The following CNTLN variants were observed in gnomAD, a reference collection of about 807,000 sequenced individuals.
CNTLN encodes the protein centlein, centrosomal protein.
CNTLN carries 212 observed loss-of-function variants against 180.0 expected under a neutral mutation model. That is an observed-to-expected ratio of 1.18 (90% CI 1.05 to 1.32). CNTLN has a LOEUF of 1.32. CNTLN is among the 40% of genes most tolerant of loss of function. CNTLN has a pLI of 0.00. For missense variants in CNTLN, 2,095 were observed against 1,610.9 expected (o/e 1.30, Z -5.14); for synonymous variants, 722 against 563.1 (o/e 1.28, Z -3.99).
At chr9:17,295,466 G>A (rs931555927) in intron 6 of CNTLN, among the ~76,000 whole-genome samples, 1 of 152,108 alleles carries the variant, frequency 6.6e-6, no homozygotes, top group Non-Finnish European at 1.5e-5. Flanking sequence ...TCCCAGGTGG[G>A]CCGTCGCACC....
At chr9:17,272,575 T>C (rs1219581220) in intron 5 of CNTLN, among the ~76,000 whole-genome samples, 1 of 152,186 alleles carries the variant, frequency 6.6e-6, no homozygotes, top group African/African-American at 2.4e-5. Flanking sequence ...GCCTGAGGCA[T>C]CTTGTCCCTC....
At chr9:17,402,724 G>T (rs1349865506) in intron 15 of CNTLN, among the ~76,000 whole-genome samples, 1 of 151,766 alleles carries the variant, frequency 6.6e-6, no homozygotes. Context: ...CAGCTCTCCT[G>T]GGTCTCTAGC....
intron 2 of CNTLN, among the ~76,000 whole-genome samples, chr9:17,161,041 T>A (rs974536990): frequency 2.6e-5 from 4 of 152,170 alleles, no homozygotes; most frequent in Non-Finnish European, 5.9e-5. Flanking sequence ...TGATAAATAC[T>A]ATAATGATAT....
At chr9:17,143,516 G>C (rs1818248355) in intron 2 of CNTLN, 140 bp downstream of exon 2, 1 of 639,828 alleles carries the variant, frequency 1.6e-6, no homozygotes, top group East Asian at 3.0e-5. Context: ...AAATTAAATT[G>C]TTGGATTTAT....
chr9:17,427,172 C>G lies in CNTLN; in HGVS notation c.3114+10983C>G, dbSNP rs1009976701. On this transcript the variant is annotated intron_variant, in intron 18 of 25. Transcript: ENST00000380647. ...CCCACAATTCCTGAAGTTGCTGGCC[C>G]TGGTGATTTCCATGCAGCAGGTGCT... is the stretch of plus-strand genomic sequence containing the variant. Among the ~76,000 whole-genome samples, 2 of 152,080 alleles carry G rather than the reference C, an allele frequency of 1.3e-5. 1 individual carries two copies. The highest frequency in any genetic ancestry group is 2.9e-5 in the Non-Finnish European group (2 of 68,018).
At chr9:17,437,666 ATTTAG>A (rs369185370) in intron 18 of CNTLN, among the ~76,000 whole-genome samples, 17 of 152,316 alleles carry the variant, frequency 1.1e-4, no homozygotes, top group African/African-American at 4.1e-4. Context: ...TTACAATTCA[ATTTAG>A]TTTAATGTAC....
intron 2 of CNTLN, among the ~76,000 whole-genome samples, chr9:17,151,873 C>T (rs1260066203): frequency 6.6e-6 from 1 of 152,100 alleles, no homozygotes; most frequent in Non-Finnish European, 1.5e-5. Flanking sequence ...TCGATTTCTT[C>T]CTGTCTTGGA....
At chr9:17,297,210 T>G (rs571387260) in intron 6 of CNTLN, among the ~76,000 whole-genome samples, 1 of 152,194 alleles carries the variant, frequency 6.6e-6, no homozygotes, top group African/African-American at 2.4e-5. Flanking sequence ...TAGCATGTAC[T>G]TTGTATTAGG....
chr9:17,284,248 G>C (rs1439553839), intron 6 of CNTLN, among the ~76,000 whole-genome samples: 2 of 152,030 alleles, frequency 1.3e-5, no homozygotes, highest in African/African-American at 4.8e-5. Context: ...TTTTCTCAGG[G>C]TTTGGTATCA....
intron 5 of CNTLN, among the ~76,000 whole-genome samples, chr9:17,247,758 G>T (rs1825879115): frequency 6.9e-6 from 1 of 145,910 alleles, no homozygotes; most frequent in African/African-American, 2.6e-5. Context: ...AGGGAATATT[G>T]GATTTTGCCA....
At chr9:17,448,179 A>G in intron 18 of CNTLN, 1 of 205,516 alleles carries the variant, frequency 4.9e-6, no homozygotes, top group South Asian at 1.0e-4. Context: ...CAGTTACTTC[A>G]AAGGTAACAT....
downstream of CNTLN, among the ~76,000 whole-genome samples, chr9:17,506,697 A>G (rs972513832): frequency 6.0e-5 from 9 of 150,404 alleles, no homozygotes; most frequent in African/African-American, 2.2e-4. Context: ...TAGCCACAAC[A>G]AGAGAAGCTT....
intron 7 of CNTLN, chr9:17,301,758 T>TA: frequency 1.0e-6 from 1 of 963,216 alleles, no homozygotes; most frequent in South Asian, 4.8e-5. Flanking sequence ...TAGTAGACAT[T>TA]ACAATTGTTT....
chr9:17,222,866 T>C (rs191702511), intron 2 of CNTLN, among the ~76,000 whole-genome samples: 8 of 152,150 alleles, frequency 5.3e-5, no homozygotes, highest in Admixed American at 3.3e-4. Context: ...GTTTTTTCCT[T>C]ATCTTACTAA....
chr9:17,268,822 G>T (rs576887318), intron 5 of CNTLN, among the ~76,000 whole-genome samples: 1 of 151,718 alleles, frequency 6.6e-6, no homozygotes, highest in African/African-American at 2.4e-5. Context: ...AGACTCTGTG[G>T]GCGTAGGACC....
chr9:17,227,129 C>T lies in CNTLN; in HGVS notation c.534+842C>T, dbSNP rs1471039772. 4.6e-5 allele frequency among the ~76,000 whole-genome samples: 7 copies of T among 151,674 alleles called. No homozygotes were observed. In the South Asian group the frequency reaches 1.2e-3, roughly 27 times the overall value. ...ACGAGAGCTCATGAAAACTCACTCC[C>T]TATGCAAAATCAGCACCAAGCCATG... On this transcript the variant is annotated intron_variant, in intron 3 of 25. Transcript: ENST00000380647.
intron 18 of CNTLN, among the ~76,000 whole-genome samples, chr9:17,438,654 A>G (rs925221046): frequency 2.6e-5 from 4 of 152,240 alleles, no homozygotes; most frequent in African/African-American, 9.6e-5. Flanking sequence ...GTTTGTAGCC[A>G]AATGGTAATT....
In CNTLN at chr9:17,255,194, T is replaced by C. The variant is rs1368667396; in HGVS notation, c.850-18539T>C. 3.3e-5 allele frequency among the ~76,000 whole-genome samples: 5 copies of C among 151,826 alleles called. No individual in the cohort carries two copies. In the South Asian group the frequency reaches 6.2e-4, roughly 19 times the overall value. On this transcript the variant is annotated intron_variant, in intron 5 of 25. Transcript: ENST00000380647. ...CCTTTTATTTTTCTTGCATAGTTGC[T>C]CTGGCTAGGACATTAAATAAATACT...
rs557243681 is a variant in CNTLN at position 17,282,109 on chromosome 9, T to C, written c.983+8243T>C. ...TCCTGAGTAGCTGGGACTACAGGTG[T>C]GTGCCACCATGCCCAGCTAGTTTTT... On this transcript the variant is annotated intron_variant, in intron 6 of 25. Transcript: ENST00000380647. 4.6e-5 allele frequency among the ~76,000 whole-genome samples: 7 copies of C among 152,212 alleles called. 1 individual carries two copies. The South Asian group carries it at 1.5e-3, about 32-fold the overall frequency.
Sources: allele counts gnomAD v4.1 joint callset (sites outside exome capture counted in the v4.1 genomes callset), GRCh38; gene constraint gnomAD v4.1.1; transcripts MANE v1.5; gene names NCBI Gene and HGNC (gene_info 2026-07-23, HGNC 2026-07-21).